Variants in PRKCE observed in about 807,000 individuals in gnomAD.
The protein encoded by PRKCE is protein kinase C epsilon type.
A neutral mutation model predicts 85.4 loss-of-function variants in PRKCE; 16 were observed. That is an observed-to-expected ratio of 0.19 (90% CI 0.13 to 0.28). The LOEUF (loss-of-function observed/expected upper bound fraction) is 0.28, where lower values mean the gene tolerates loss of function less well. PRKCE is among the 10% of genes least tolerant of loss of function. The pLI is 1.00. For synonymous variants in PRKCE, 388 were observed against 371.5 expected (o/e 1.04, Z -0.51); for missense variants, 573 against 975.2 (o/e 0.59, Z 5.49).
chr2:46,059,990 C>G (rs1329704084), intron 10 of PRKCE, among the ~76,000 whole-genome samples: 1 of 152,116 alleles, frequency 6.6e-6, no homozygotes, highest in Non-Finnish European at 1.5e-5. Context: ...TTTCTTATTG[C>G]TTTGTGCTCA....
intron 8 of PRKCE, among the ~76,000 whole-genome samples, chr2:46,005,925 C>G (rs1210481833): frequency 6.6e-6 from 1 of 152,144 alleles, no homozygotes; most frequent in Non-Finnish European, 1.5e-5. Flanking sequence ...GGCTGAGATC[C>G]CCTTTGGGAG....
chr2:45,734,400 T>G (rs1283742516), intron 1 of PRKCE, among the ~76,000 whole-genome samples: 1 of 151,852 alleles, frequency 6.6e-6, no homozygotes, highest in African/African-American at 2.4e-5. Context: ...TGAAATTCAG[T>G]TCCATGTCTA....
chr2:45,923,977 T>C (rs934683172), intron 2 of PRKCE, among the ~76,000 whole-genome samples: 1 of 152,076 alleles, frequency 6.6e-6, no homozygotes, highest in Admixed American at 6.5e-5. Flanking sequence ...GAGAGAGGTG[T>C]ACATTAATCG....
Position 45,925,748 on chromosome 2 carries a change from C to T in PRKCE, c.413-50681C>T, listed in dbSNP as rs538253838. On this transcript the variant is annotated intron_variant, in intron 2 of 14. Coordinates refer to ENST00000306156, the MANE Select transcript of PRKCE (RefSeq NM_005400.3). ...CCAAGGATCACCTAGACTGAGCTGA[C>T]TTCTATTAGGACTCTTCTAAGACCT... Among the ~76,000 whole-genome samples the T allele has an allele frequency of 1.4e-4, 21 of 152,316 alleles. No individual in the cohort carries two copies. The South Asian group carries it at 1.4e-3, about 11-fold the overall frequency.
chr2:46,168,113 C>G (rs1302270500), intron 14 of PRKCE: 1 of 152,198 alleles, frequency 6.6e-6, no homozygotes, highest in Non-Finnish European at 1.5e-5. Context: ...GGAGGGCCAT[C>G]ATTTTCATCC....
At chr2:45,715,520 C>A (rs1680013352) in intron 1 of PRKCE, among the ~76,000 whole-genome samples, 1 of 152,200 alleles carries the variant, frequency 6.6e-6, no homozygotes, top group Non-Finnish European at 1.5e-5. Context: ...TATCCAGTGT[C>A]CTTCATTGTC....
At chr2:45,959,486 A>G (rs1701235569) in intron 2 of PRKCE, among the ~76,000 whole-genome samples, 1 of 152,190 alleles carries the variant, frequency 6.6e-6, no homozygotes, top group African/African-American at 2.4e-5. Context: ...GAGAAAGAAG[A>G]TCATGTTTAT....
intron 10 of PRKCE, among the ~76,000 whole-genome samples, chr2:46,057,103 G>C (rs537858245): frequency 1.3e-5 from 2 of 152,134 alleles, no homozygotes; most frequent in African/African-American, 4.8e-5. Context: ...GGCCTGACTC[G>C]GGCTTCCTCA....
chr2:45,866,395 G>T (rs565091003), intron 2 of PRKCE, among the ~76,000 whole-genome samples: 29 of 152,186 alleles, frequency 1.9e-4, no homozygotes, highest in African/African-American at 6.0e-4. Context: ...GCAAGCTCCC[G>T]CTCCTGGGTT....
chr2:45,691,322 G>A (rs927693581), intron 1 of PRKCE, among the ~76,000 whole-genome samples: 1 of 152,204 alleles, frequency 6.6e-6, no homozygotes, highest in Non-Finnish European at 1.5e-5. Context: ...AGTGTCTCCA[G>A]AGAGACTGTG....
In PRKCE at chr2:45,931,384, C is replaced by T. The variant is rs6720958; in HGVS notation, c.413-45045C>T. ...TTCCTCAGACATTTAAATAACAAAA[C>T]AAGGCTCCATGTGATTAGATGCCAG... On this transcript the variant is annotated intron_variant, in intron 2 of 14. Transcript: ENST00000306156. 2.0e-5 allele frequency among the ~76,000 whole-genome samples: 3 copies of T among 152,096 alleles called. No individual in the cohort carries two copies. In the East Asian group the frequency reaches 5.8e-4, roughly 29 times the overall value.
At chr2:46,089,674 G>T (rs1162713336) in intron 11 of PRKCE, among the ~76,000 whole-genome samples, 1 of 152,230 alleles carries the variant, frequency 6.6e-6, no homozygotes, top group African/African-American at 2.4e-5. Flanking sequence ...GGTTGGGGAA[G>T]GCATCCAGCC....
At chr2:46,061,861 T>TTTTCTTTTC (rs766826630) in intron 10 of PRKCE, among the ~76,000 whole-genome samples, 1 of 87,660 alleles carries the variant, frequency 1.1e-5, no homozygotes, top group African/African-American at 4.0e-5. Context: ...TTCTTTTTCT[T>TTTTCTTTTC]TTTTTTTTTT....
chr2:45,915,591 T>C (rs949890599), intron 2 of PRKCE, among the ~76,000 whole-genome samples: 6 of 152,232 alleles, frequency 3.9e-5, no homozygotes, highest in Non-Finnish European at 7.3e-5. Context: ...TGAAAGGTCC[T>C]GAGGCCTCCT....
At chr2:46,126,385 C>T (rs1673849136) in intron 11 of PRKCE, among the ~76,000 whole-genome samples, 1 of 152,116 alleles carries the variant, frequency 6.6e-6, no homozygotes, top group Non-Finnish European at 1.5e-5. Flanking sequence ...ATATATACTA[C>T]ACCAGAGGAG....
chr2:45,992,726 A>G (rs1239461529), intron 6 of PRKCE, among the ~76,000 whole-genome samples: 1 of 152,162 alleles, frequency 6.6e-6, no homozygotes, highest in Admixed American at 6.5e-5. Context: ...CTTGCTTTGG[A>G]GGAATTCCCA....
chr2:45,715,221 C>T (rs1413877681), intron 1 of PRKCE, among the ~76,000 whole-genome samples: 1 of 152,250 alleles, frequency 6.6e-6, no homozygotes. Flanking sequence ...GGAGTGCCCA[C>T]CACGAGATGC....
intron 9 of PRKCE, among the ~76,000 whole-genome samples, chr2:46,009,523 C>G (rs574485810): frequency 8.7e-4 from 132 of 152,326 alleles, no homozygotes; most frequent in African/African-American, 3.1e-3. Flanking sequence ...TGAAACTACT[C>G]AGTATTGGTA....
intron 14 of PRKCE, among the ~76,000 whole-genome samples, chr2:46,162,132 G>A (rs547055063): frequency 6.6e-6 from 1 of 152,308 alleles, no homozygotes; most frequent in South Asian, 2.1e-4. Flanking sequence ...AGGTGTTCCT[G>A]TGGGCAGGGG....
Sources: allele counts gnomAD v4.1 joint callset (sites outside exome capture counted in the v4.1 genomes callset), GRCh38; gene constraint gnomAD v4.1.1; transcripts MANE v1.5; gene names NCBI Gene and HGNC (gene_info 2026-07-23, HGNC 2026-07-21).